WWOX: variants seen among roughly 807,000 people sequenced by gnomAD.
WWOX encodes the protein WW domain-containing oxidoreductase.
A neutral mutation model predicts 46.2 loss-of-function variants in WWOX; 69 were observed. That is an observed-to-expected ratio of 1.49 (90% CI 1.23 to 1.82). The LOEUF (loss-of-function observed/expected upper bound fraction) is 1.82. WWOX is among the 40% of genes most tolerant of loss of function. The probability of loss-of-function intolerance (pLI) is 0.00; values close to 1 mark genes in which losing one functional copy is unlikely to be tolerated. For missense variants in WWOX, 919 were observed against 542.6 expected (o/e 1.69, Z -6.89); for synonymous variants, 359 against 202.6 (o/e 1.77, Z -6.56).
chr16:78,426,487 C>G (rs1412391802), intron 7 of WWOX, among the ~76,000 whole-genome samples: 3 of 152,090 alleles, frequency 2.0e-5, no homozygotes, highest in Admixed American at 1.3e-4. Context: ...CTTCAGAGAT[C>G]CAAATCTCAG....
At chr16:78,756,804 T>TA in intron 8 of WWOX, 1 of 552,788 alleles carries the variant, frequency 1.8e-6, no homozygotes, top group Non-Finnish European at 3.3e-6. Flanking sequence ...TGTCTCAGCA[T>TA]AGTCTTCTCG....
At chr16:78,669,807 C>T (rs1383552705) in intron 8 of WWOX, among the ~76,000 whole-genome samples, 1 of 152,148 alleles carries the variant, frequency 6.6e-6, no homozygotes, top group Non-Finnish European at 1.5e-5. Flanking sequence ...TTCAGTGACT[C>T]AGAAGACTTC....
chr16:79,077,164 T>C (rs1021022877), intron 8 of WWOX, among the ~76,000 whole-genome samples: 2 of 152,228 alleles, frequency 1.3e-5, no homozygotes, highest in African/African-American at 4.8e-5. Flanking sequence ...ATCGGAGCTC[T>C]AAAGTACTTG....
intron 5 of WWOX, among the ~76,000 whole-genome samples, chr16:78,332,221 T>C (rs550473072): frequency 1.3e-5 from 2 of 152,166 alleles, no homozygotes; most frequent in Non-Finnish European, 2.9e-5. Context: ...GACTGGAAAC[T>C]TGCCTAAAGA....
intron 8 of WWOX, among the ~76,000 whole-genome samples, chr16:78,783,018 G>C (rs1450410810): frequency 6.6e-6 from 1 of 152,162 alleles, no homozygotes; most frequent in Non-Finnish European, 1.5e-5. Flanking sequence ...ATCCTAGTGT[G>C]ATCTTTCTGA....
At chr16:78,510,993 C>T (rs769400563) in intron 8 of WWOX, among the ~76,000 whole-genome samples, 12 of 152,318 alleles carry the variant, frequency 7.9e-5, no homozygotes, top group African/African-American at 2.9e-4. Context: ...ATGTGCCTAC[C>T]CCACGTGTCC....
At chr16:78,104,288 C>T (rs911220541) in intron 1 of WWOX, among the ~76,000 whole-genome samples, 12 of 146,018 alleles carry the variant, frequency 8.2e-5, no homozygotes, top group Non-Finnish European at 1.2e-4. Flanking sequence ...TCCTCACTGT[C>T]AACTCTAGAT....
intron 5 of WWOX, among the ~76,000 whole-genome samples, chr16:78,346,301 T>G (rs2081093356): frequency 8.2e-6 from 1 of 121,330 alleles, no homozygotes; most frequent in Non-Finnish European, 2.0e-5. Flanking sequence ...ATTTGGGTTC[T>G]TCCCAGTTTT....
At chr16:78,161,412 T>TTC (rs368912282) in intron 4 of WWOX, among the ~76,000 whole-genome samples, 29 of 150,728 alleles carry the variant, frequency 1.9e-4, no homozygotes, top group African/African-American at 4.1e-4. Flanking sequence ...CCTTTTTCCT[T>TTC]TCTCTCTCTC....
chr16:79,211,712 A>G lies in WWOX; in HGVS notation c.1161A>G (p.Glu387=). The G allele has an allele frequency of 6.2e-7, 1 of 1,614,210 alleles. No individual in the cohort carries two copies. The highest frequency in any genetic ancestry group is 1.3e-5 in the African/African-American group (1 of 75,064). ...NNCCRCMPSP[E]AQSEETARTL... ...GCTGCCGCTGCATGCCCTCACCAGAAGCTCAGAGCGAAGAGACGGCCCGGA... is the reference window on the plus strand; with the variant it reads ...GCTGCCGCTGCATGCCCTCACCAGAGGCTCAGAGCGAAGAGACGGCCCGGA... The change falls in exon 9 of 9, where the codon GAA becomes GAG. Residue 387 remains glutamate (E), a synonymous_variant. Coordinates refer to ENST00000566780, the MANE Select transcript of WWOX (RefSeq NM_016373.4).
chr16:78,374,595 C>G (rs908873033), intron 5 of WWOX, among the ~76,000 whole-genome samples: 30 of 133,650 alleles, frequency 2.2e-4, no homozygotes, highest in African/African-American at 8.8e-4. Context: ...GTCGCCCAGG[C>G]TGGAGTGCAG....
intron 6 of WWOX, among the ~76,000 whole-genome samples, chr16:78,399,319 A>G (rs1444682003): frequency 1.3e-5 from 2 of 152,242 alleles, no homozygotes; most frequent in Non-Finnish European, 2.9e-5. Context: ...ATACCTTTGT[A>G]GATCTTGGGA....
At chr16:78,632,032 T>TGG (rs1454734330) in intron 8 of WWOX, among the ~76,000 whole-genome samples, 5 of 151,724 alleles carry the variant, frequency 3.3e-5, no homozygotes, top group African/African-American at 9.7e-5. Context: ...CAATTTTTTC[T>TGG]TAAAAAAAAT....
intron 8 of WWOX, among the ~76,000 whole-genome samples, chr16:78,453,291 G>C (rs1440295174): frequency 6.6e-6 from 1 of 151,918 alleles, no homozygotes; most frequent in Non-Finnish European, 1.5e-5. Flanking sequence ...GGGCATGGTA[G>C]CGGTGCCTGT....
At chr16:78,114,941 A>C in intron 3 of WWOX, 35 bp from the exon 4 acceptor site, 1 of 1,613,908 alleles carries the variant, frequency 6.2e-7, no homozygotes, top group Non-Finnish European at 8.5e-7. Context: ...GCCTGTGTTC[A>C]TTGCTGTGGG....
intron 8 of WWOX, among the ~76,000 whole-genome samples, chr16:78,511,730 T>C (rs935003403): frequency 6.6e-6 from 1 of 152,162 alleles, no homozygotes; most frequent in African/African-American, 2.4e-5. Flanking sequence ...GGGAGAGGCA[T>C]GAAAATTTGA....
intron 8 of WWOX, chr16:79,016,911 C>T (rs923214948): frequency 6.6e-6 from 1 of 152,096 alleles, no homozygotes; most frequent in African/African-American, 2.4e-5. Flanking sequence ...CAAAATAGGA[C>T]CTGGGGTCGA....
At chr16:79,140,136 G>T (rs1455526718) in intron 8 of WWOX, among the ~76,000 whole-genome samples, 1 of 152,158 alleles carries the variant, frequency 6.6e-6, no homozygotes, top group African/African-American at 2.4e-5. Context: ...TGTGGTTGTT[G>T]TTATTGTTTT....
intron 8 of WWOX, among the ~76,000 whole-genome samples, chr16:78,938,537 T>A (rs1277482787): frequency 6.6e-6 from 1 of 152,072 alleles, no homozygotes; most frequent in African/African-American, 2.4e-5. Context: ...CCGTCGGTAT[T>A]AGCAACTGGC....
Sources: gnomAD v4.1 joint callset for allele counts (sites outside exome capture counted in the v4.1 genomes callset) on GRCh38, gnomAD v4.1.1 for gene constraint, MANE v1.5 for transcripts, NCBI Gene and HGNC (gene_info 2026-07-23, HGNC 2026-07-21) for gene names.